Variants in YEATS2 observed in about 807,000 individuals in gnomAD.
The protein encoded by YEATS2 is YEATS domain-containing protein 2.
In YEATS2, 77 loss-of-function variants were observed where a neutral mutation model predicts 163.2. The ratio of observed to expected loss-of-function variants is 0.47; its 90% CI spans 0.39 to 0.57. The LOEUF (loss-of-function observed/expected upper bound fraction) is 0.57. Among genes scored for constraint, YEATS2 ranks in the 20% least tolerant of loss-of-function variants. The pLI is 0.00. For synonymous variants in YEATS2, 631 were observed against 645.1 expected (o/e 0.98, Z 0.33); for missense variants, 1,549 against 1,729.8 (o/e 0.90, Z 1.85).
intron 5 of YEATS2, among the ~76,000 whole-genome samples, chr3:183,722,894 T>G (rs527703866): frequency 2.0e-5 from 3 of 152,168 alleles, no homozygotes; most frequent in Non-Finnish European, 4.4e-5. Flanking sequence ...CTTCATGATC[T>G]GCCTGCCTCG....
chr3:183,750,320 C>A (rs1186013496), intron 9 of YEATS2, among the ~76,000 whole-genome samples: 1 of 152,168 alleles, frequency 6.6e-6, no homozygotes, highest in Non-Finnish European at 1.5e-5. Context: ...TTTGTTTATC[C>A]GTTCACCTGC....
intron 15 of YEATS2, among the ~76,000 whole-genome samples, chr3:183,771,508 CT>C (rs199935565): frequency 2.3e-3 from 114 of 48,684 alleles, no homozygotes; most frequent in Middle Eastern, 0.011. Flanking sequence ...GTACTGGGGT[CT>C]TTTTTTTTTT....
chr3:183,786,355 A>AT, intron 20 of YEATS2, 54 bp downstream of exon 20: 1 of 1,539,796 alleles, frequency 6.5e-7, no homozygotes, highest in South Asian at 1.2e-5. Flanking sequence ...AGTGGTGTAG[A>AT]TACAAGGAAG....
intron 7 of YEATS2, among the ~76,000 whole-genome samples, chr3:183,729,765 G>A (rs1717521780): frequency 6.6e-6 from 1 of 151,706 alleles, no homozygotes; most frequent in Non-Finnish European, 1.5e-5. Flanking sequence ...TCTGCTTCAG[G>A]TTCAACCTCT....
At chr3:183,708,078 A>G (rs563365180) in intron 1 of YEATS2, among the ~76,000 whole-genome samples, 11 of 151,828 alleles carry the variant, frequency 7.2e-5, no homozygotes, top group South Asian at 6.2e-4. Context: ...AATTATTGAG[A>G]TGATACCTCA....
At chr3:183,731,974 A>G (rs929459282) in intron 7 of YEATS2, among the ~76,000 whole-genome samples, 2 of 152,096 alleles carry the variant, frequency 1.3e-5, no homozygotes, top group African/African-American at 4.8e-5. Context: ...AAAAGAGATT[A>G]TTGGTTACGT....
intron 1 of YEATS2, among the ~76,000 whole-genome samples, chr3:183,706,542 C>T (rs138364417): frequency 4.5e-4 from 68 of 152,226 alleles, no homozygotes; most frequent in African/African-American, 1.4e-3. Context: ...ACCCATCTAA[C>T]CTACACTCTT....
chr3:183,699,512 C>T (rs1301858695), intron 1 of YEATS2, among the ~76,000 whole-genome samples: 1 of 151,212 alleles, frequency 6.6e-6, no homozygotes, highest in African/African-American at 2.4e-5. Flanking sequence ...TATTCTAGAC[C>T]AGCCTTGGCT....
At chr3:183,738,489 T>TG (rs1286255445) in intron 8 of YEATS2, among the ~76,000 whole-genome samples, 1 of 141,560 alleles carries the variant, frequency 7.1e-6, no homozygotes, top group African/African-American at 2.6e-5. Flanking sequence ...GCCATACTGG[T>TG]GCGCTGCACC....
At chr3:183,702,794 A>G (rs941595821) in intron 1 of YEATS2, among the ~76,000 whole-genome samples, 34 of 151,802 alleles carry the variant, frequency 2.2e-4, no homozygotes, top group South Asian at 8.3e-4. Flanking sequence ...AGATTGCGCC[A>G]CTGCACTCCA....
rs1716049551 is a variant in YEATS2 at position 183,717,750 on chromosome 3, TATA to T, written c.198+5_198+7del. 6.7e-7 allele frequency: 1 copy of T among 1,495,620 alleles called. No homozygotes were observed. Among genetic ancestry groups the T allele is most frequent in the South Asian group, 1.4e-5 (1 of 73,286 alleles). The allele number at this position is 1,495,620 out of a possible 1,614,324, so 92.6% of individuals were successfully genotyped here. A position where few individuals can be genotyped will look rare whatever the true frequency, so the allele number is the denominator to read the frequency against. On this transcript the variant is annotated splice_donor_5th_base_variant and intron_variant, in intron 3 of 30. Transcript: ENST00000305135. ...CATGAAATTGAAGTCATTGACCAGG[TATA>T]ATGATGATAAATTGAAATAAACACC...
rs1722588315 is a variant in YEATS2 at position 183,772,620 on chromosome 3, T to G, written c.2206+57T>G. 1.8e-5 allele frequency: 29 copies of G among 1,596,300 alleles called. No individual in the cohort carries two copies. The South Asian group carries it at 2.7e-4, about 15-fold the overall frequency. Reference sequence around the variant, plus strand: ...GCAGAAGCTCTGTCCAAAATTTCCTTTGCTAGTGATTTTATTTGCTATTTG... The same window carrying G: ...GCAGAAGCTCTGTCCAAAATTTCCTGTGCTAGTGATTTTATTTGCTATTTG... On this transcript the variant is annotated intron_variant, in intron 16 of 30. Coordinates refer to ENST00000305135, the MANE Select transcript of YEATS2 (RefSeq NM_018023.5).
Position 183,762,238 on chromosome 3 carries a change from G to T in YEATS2, c.1906G>T (p.Gly636Ter). The T allele has an allele frequency of 1.9e-6, 3 of 1,611,102 alleles. No homozygotes were observed. Among genetic ancestry groups the T allele is most frequent in the Non-Finnish European group, 2.5e-6 (3 of 1,177,560 alleles). ...VSPQKQVITP[G>*]EGIAQSAKVQ... ...CCCTCAAAAACAGGTCATAACTCCT[G>T]GAGAAGGGATTGCCCAGTCAGCAAA... Residue 636 changes from glycine (G) to a stop codon, truncating the protein, a stop_gained, in exon 15 of 31, where the codon GGA (glycine) becomes TGA (stop). Coordinates refer to ENST00000305135, the MANE Select transcript of YEATS2 (RefSeq NM_018023.5). LOFTEE classifies it high-confidence loss of function.
chr3:183,744,261 C>T (rs949558727), intron 8 of YEATS2, among the ~76,000 whole-genome samples: 5 of 151,568 alleles, frequency 3.3e-5, no homozygotes, highest in Non-Finnish European at 5.9e-5. Flanking sequence ...TACAGGTGCC[C>T]GCCACCACGC....
At chr3:183,743,000 T>C (rs1193151605) in intron 8 of YEATS2, among the ~76,000 whole-genome samples, 1 of 152,224 alleles carries the variant, frequency 6.6e-6, no homozygotes, top group African/African-American at 2.4e-5. Flanking sequence ...TTATGTAGAT[T>C]ATTTTGTTAA....
chr3:183,713,596 C>T (rs1715496417), intron 1 of YEATS2, among the ~76,000 whole-genome samples: 1 of 152,144 alleles, frequency 6.6e-6, no homozygotes, highest in South Asian at 2.1e-4. Context: ...AACCTGGCAG[C>T]TAGAAAATTT....
At chr3:183,742,338 C>T (rs1444709979) in intron 8 of YEATS2, among the ~76,000 whole-genome samples, 1 of 152,182 alleles carries the variant, frequency 6.6e-6, no homozygotes, top group African/African-American at 2.4e-5. Context: ...ACTAACCATT[C>T]TAGATGCCAT....
rs368436232 is a variant in YEATS2, at chr3:183,795,100, C to T, written c.3098-2823C>T. Among the ~76,000 whole-genome samples, 349 of 148,378 alleles carry T rather than the reference C, an allele frequency of 2.4e-3. 2 individuals are homozygous for T. Among genetic ancestry groups the T allele is most frequent in the South Asian group, 0.017 (82 of 4,698 alleles). ...GGAGGATTACTTGACCCTGGGAGGT[C>T]GAGGTTGCAGTGAGCCATGATTGCT... is the stretch of plus-strand genomic sequence containing the variant. On this transcript the variant is annotated intron_variant, in intron 21 of 30. Coordinates refer to ENST00000305135, the MANE Select transcript of YEATS2 (RefSeq NM_018023.5).
At chr3:183,766,630 A>G (rs568195079) in intron 15 of YEATS2, among the ~76,000 whole-genome samples, 1 of 152,344 alleles carries the variant, frequency 6.6e-6, no homozygotes, top group African/African-American at 2.4e-5. Flanking sequence ...TGGGAAGAGA[A>G]TGAGGAAAGT....
Sources: allele counts gnomAD v4.1 joint callset (sites outside exome capture counted in the v4.1 genomes callset), GRCh38; gene constraint gnomAD v4.1.1; transcripts MANE v1.5; gene names NCBI Gene and HGNC (gene_info 2026-07-23, HGNC 2026-07-21).